The following ZNRF3 variants were observed in gnomAD, a reference collection of about 807,000 sequenced individuals.
ZNRF3 encodes zinc and ring finger 3.
ZNRF3 carries 23 observed loss-of-function variants against 72.5 expected under a neutral mutation model. The observed-to-expected ratio is 0.32, with a 90% CI of 0.23 to 0.45. The LOEUF (loss-of-function observed/expected upper bound fraction) is 0.45. ZNRF3 is among the 20% of genes least tolerant of loss of function. ZNRF3 has a pLI of 1.00. For synonymous variants in ZNRF3, 610 were observed against 545.3 expected (o/e 1.12, Z -1.65); for missense variants, 1,169 against 1,272.1 (o/e 0.92, Z 1.23).
At chr22:28,947,318 G>A (rs1439639715) in intron 1 of ZNRF3, among the ~76,000 whole-genome samples, 1 of 152,160 alleles carries the variant, frequency 6.6e-6, no homozygotes, top group Admixed American at 6.5e-5. Context: ...ATGCTGCTAT[G>A]AATGTTCATG....
At chr22:29,003,964 G>T (rs2036197310) in intron 2 of ZNRF3, among the ~76,000 whole-genome samples, 1 of 152,222 alleles carries the variant, frequency 6.6e-6, no homozygotes, top group South Asian at 2.1e-4. Flanking sequence ...GCCTGTTTTG[G>T]GCAATCCAGG....
intron 2 of ZNRF3, among the ~76,000 whole-genome samples, chr22:28,988,786 G>T (rs563942184): frequency 6.6e-6 from 1 of 152,298 alleles, no homozygotes; most frequent in African/African-American, 2.4e-5. Context: ...ACTTTATGCA[G>T]GAATTGGCTC....
In ZNRF3 at chr22:29,053,803, C is replaced by T; in HGVS notation, c.*181C>T. ...CCTGTGGCAAAACCACCCCCTACCC[C>T]ATTAACAAATCAACAGACAAAATTC... On this transcript the variant is annotated 3_prime_UTR_variant, in exon 9 of 9. Transcript: ENST00000544604. 1 of 546,484 alleles carries T rather than the reference C, an allele frequency of 1.8e-6. No individual in the cohort carries two copies. Among genetic ancestry groups the T allele is most frequent in the Non-Finnish European group, 3.2e-6 (1 of 311,614 alleles). The allele number at this position is 546,484 out of a possible 1,614,324, so 33.9% of individuals were successfully genotyped here. A position where few individuals can be genotyped will look rare whatever the true frequency, so the allele number is the denominator to read the frequency against.
intron 8 of ZNRF3, 147 bp from the exon 9 acceptor site, chr22:29,053,432 G>A: frequency 1.6e-6 from 1 of 632,060 alleles, no homozygotes; most frequent in African/African-American, 1.8e-5. Flanking sequence ...AGCACAAATG[G>A]AGCCCCTCTG....
chr22:28,998,197 G>A (rs1284937440), intron 2 of ZNRF3, among the ~76,000 whole-genome samples: 1 of 151,940 alleles, frequency 6.6e-6, no homozygotes, highest in African/African-American at 2.4e-5. Context: ...TACTCGGGAG[G>A]CTGAGGCAGG....
intron 1 of ZNRF3, among the ~76,000 whole-genome samples, chr22:28,938,342 T>C (rs1228588073): frequency 6.6e-6 from 1 of 152,174 alleles, no homozygotes; most frequent in Non-Finnish European, 1.5e-5. Flanking sequence ...ATCTTATCTA[T>C]TTTAATCTAG....
intron 1 of ZNRF3, among the ~76,000 whole-genome samples, chr22:28,906,825 T>G (rs2034216486): frequency 6.6e-6 from 1 of 152,136 alleles, no homozygotes; most frequent in African/African-American, 2.4e-5. Flanking sequence ...TATTGAGTGC[T>G]TACCCTGCGC....
chr22:29,009,937 C>T (rs983455802), intron 2 of ZNRF3, among the ~76,000 whole-genome samples: 32 of 139,372 alleles, frequency 2.3e-4, no homozygotes, highest in Admixed American at 1.3e-3. Flanking sequence ...GACAGTGTCT[C>T]GCTCTGTTTC....
rs745329178 is a variant in ZNRF3, at chr22:29,050,699, C to A, written c.2518C>A (p.Leu840Met). Residue 840 changes from leucine (L) to methionine (M), a missense_variant, in exon 8 of 9, where the codon CTG becomes ATG. Transcript: ENST00000544604. ...PIIPEDVDCDLGLPSDCQGTH... is the reference protein window; with the variant it reads ...PIIPEDVDCDMGLPSDCQGTH... ...CATTCCAGAGGATGTGGACTGTGAT[C>A]TGGGCCTGCCCTCGGACTGCCAAGG... The A allele has an allele frequency of 1.2e-6, 2 of 1,612,038 alleles. No individual in the cohort carries two copies. Among genetic ancestry groups the A allele is most frequent in the African/African-American group, 1.3e-5 (1 of 74,900 alleles).
intron 2 of ZNRF3, among the ~76,000 whole-genome samples, chr22:29,015,143 T>C (rs2036410569): frequency 6.6e-6 from 1 of 152,228 alleles, no homozygotes; most frequent in African/African-American, 2.4e-5. Context: ...AGCTCCTTTA[T>C]TTTAGGTATC....
At chr22:28,941,460 T>A (rs2034946304) in intron 1 of ZNRF3, among the ~76,000 whole-genome samples, 1 of 152,352 alleles carries the variant, frequency 6.6e-6, no homozygotes, top group East Asian at 1.9e-4. Context: ...TTTTATTTTT[T>A]AAAATTTCTC....
rs2037175920 is a variant in ZNRF3, at chr22:29,050,354, G to A, written c.2173G>A (p.Ala725Thr). 3 of 1,602,888 alleles carry A rather than the reference G, an allele frequency of 1.9e-6. No homozygotes were observed. Among genetic ancestry groups the A allele is most frequent in the Non-Finnish European group, 1.7e-6 (2 of 1,175,942 alleles). Reference protein sequence around the residue: ...EPQPSPAGPSAGAAGSSTLFL... With the variant: ...EPQPSPAGPSTGAAGSSTLFL... ...CCAGCCCTCCCCAGCCGGGCCTAGC[G>A]CCGGAGCAGCTGGCAGCAGCACCTT... Residue 725 changes from alanine (A) to threonine (T), a missense_variant, in exon 8 of 9, where the codon GCC becomes ACC. Ala to Thr is a moderately conservative substitution (Grantham distance 58). Around this residue, in one of 2 missense-constraint regions of ZNRF3, gnomAD observed 783 missense variants for 731.4 expected, o/e 1.07. Transcript: ENST00000544604.
intron 2 of ZNRF3, among the ~76,000 whole-genome samples, chr22:29,012,016 C>T (rs1423413740): frequency 1.3e-5 from 2 of 152,180 alleles, no homozygotes; most frequent in Admixed American, 6.5e-5. Context: ...TAATCCAAAA[C>T]AAAAAGGCCT....
At chr22:28,928,618 C>T (rs1178998122) in intron 1 of ZNRF3, among the ~76,000 whole-genome samples, 3 of 151,516 alleles carry the variant, frequency 2.0e-5, no homozygotes, top group East Asian at 1.9e-4. Context: ...CTCAGCCTCC[C>T]GAGTAGCTGG....
At chr22:29,036,457 C>T (rs1020088983) in intron 2 of ZNRF3, among the ~76,000 whole-genome samples, 1 of 152,180 alleles carries the variant, frequency 6.6e-6, no homozygotes, top group African/African-American at 2.4e-5. Context: ...TGTGAAGTAT[C>T]ATCATCTAGA....
intron 2 of ZNRF3, among the ~76,000 whole-genome samples, chr22:29,015,837 G>A (rs2036421095): frequency 6.6e-6 from 1 of 151,700 alleles, no homozygotes. Flanking sequence ...GACCAACATG[G>A]TGAAACCCCG....
Position 29,050,429 on chromosome 22 carries a change from C to T in ZNRF3, c.2248C>T (p.Pro750Ser), listed in dbSNP as rs1476849857. ...YEGSGPAGGE[P>S]QSGSSQGLYG... ...GGGCTCTGGCCCGGCGGGTGGGGAG[C>T]CCCAGTCAGGAAGCTCCCAGGGCTT... The change falls in exon 8 of 9, where the codon CCC becomes TCC. Residue 750 changes from proline to serine, a missense_variant. Transcript: ENST00000544604. 4.4e-6 allele frequency: 7 copies of T among 1,607,710 alleles called. No homozygotes were observed. In the East Asian group the frequency reaches 1.6e-4, roughly 36 times the overall value.
chr22:28,922,937 T>C (rs752982498), intron 1 of ZNRF3, among the ~76,000 whole-genome samples: 2 of 152,122 alleles, frequency 1.3e-5, no homozygotes, highest in Non-Finnish European at 2.9e-5. Context: ...CTTTTTAAAA[T>C]GTGGAAACCG....
intron 2 of ZNRF3, among the ~76,000 whole-genome samples, chr22:29,019,276 G>A (rs2036488478): frequency 6.6e-6 from 1 of 152,046 alleles, no homozygotes; most frequent in Admixed American, 6.6e-5. Flanking sequence ...TTTCTTGATG[G>A]GAGGAATCAT....
Sources: allele counts gnomAD v4.1 joint callset (sites outside exome capture counted in the v4.1 genomes callset), GRCh38; gene constraint gnomAD v4.1.1; regional missense constraint gnomAD v4.1.1; transcripts MANE v1.5; gene names NCBI Gene and HGNC (gene_info 2026-07-23, HGNC 2026-07-21).